Variants in NFIC observed in about 807,000 individuals in gnomAD.
The protein encoded by NFIC is nuclear factor I C.
A neutral mutation model predicts 54.4 loss-of-function variants in NFIC; 12 were observed. That is an observed-to-expected ratio of 0.22 (90% CI 0.14 to 0.36). The LOEUF (loss-of-function observed/expected upper bound fraction) is 0.36, where lower values mean the gene tolerates loss of function less well. Ranked by LOEUF, NFIC falls within the 10% of genes least tolerant of loss-of-function variation. NFIC has a pLI of 1.00. For synonymous variants in NFIC, 322 were observed against 319.2 expected, an observed-to-expected ratio of 1.01 and a Z score of -0.09; for missense variants, 575 against 718.2, an observed-to-expected ratio of 0.80 and a Z score of 2.28.
chr19:3,456,763 A>G, intron 10 of NFIC, 128 bp downstream of exon 10: 1 of 916,714 alleles, frequency 1.1e-6, no homozygotes, highest in Admixed American at 2.2e-5. Context: ...CCAGCCTCCC[A>G]CACCCCACCT....
intron 2 of NFIC, among the ~76,000 whole-genome samples, chr19:3,384,282 G>A (rs2081258478): frequency 6.6e-6 from 1 of 151,740 alleles, no homozygotes; most frequent in African/African-American, 2.4e-5. Flanking sequence ...GCCCAGGTTG[G>A]CCTCAAACTC....
At chr19:3,435,557 A>G (rs1490582332) in intron 6 of NFIC, among the ~76,000 whole-genome samples, 1 of 152,166 alleles carries the variant, frequency 6.6e-6, no homozygotes, top group Non-Finnish European at 1.5e-5. Flanking sequence ...GGGATCTGTC[A>G]TAGAATCCCT....
Position 3,462,834 on chromosome 19 carries a change from C to T in NFIC, c.*65C>T, listed in dbSNP as rs1182506915. On this transcript the variant is annotated 3_prime_UTR_variant, in exon 11 of 11. Coordinates refer to ENST00000443272, the MANE Select transcript of NFIC (RefSeq NM_001245002.2). Reference sequence around the variant, plus strand: ...GAATCCCAGGGGGCAGCACAGCCGGCCCCCGGCCCACGTTTTCGGTGGAAA... The same window carrying T: ...GAATCCCAGGGGGCAGCACAGCCGGTCCCCGGCCCACGTTTTCGGTGGAAA... 8.1e-6 allele frequency: 13 copies of T among 1,609,720 alleles called. No homozygotes were observed. The highest frequency in any genetic ancestry group is 1.3e-5 in the African/African-American group (1 of 74,722).
Position 3,464,173 on chromosome 19 carries a change from CTACCCCGACGCG to C in NFIC, c.*1405_*1416del. ...GGACCGCCGTTTGCACTTTCATCGC[CTACCCCGACGCG>C]GGGCCCAGCTGCGGGACGTGCATCA... is the stretch of plus-strand genomic sequence containing the variant. On this transcript the variant is annotated 3_prime_UTR_variant, in exon 11 of 11. Transcript: ENST00000443272. 3.0e-6 allele frequency: 3 copies of C among 985,432 alleles called. No individual in the cohort carries two copies. The highest frequency in any genetic ancestry group is 3.6e-6 in the Non-Finnish European group (3 of 829,940). 61.0% of individuals were successfully genotyped at this position (985,432 alleles called of 1,614,324 possible).
chr19:3,380,356 C>T lies in NFIC; in HGVS notation c.31-1356C>T, dbSNP rs376437051. ...TTTTGAGACAGTGTTTCACTCTTGGCACCCAGGCTCCCAGGCTGGAGTGCA... is the reference window on the plus strand; with the variant it reads ...TTTTGAGACAGTGTTTCACTCTTGGTACCCAGGCTCCCAGGCTGGAGTGCA... On this transcript the variant is annotated intron_variant, in intron 1 of 10. Coordinates refer to ENST00000443272, the MANE Select transcript of NFIC (RefSeq NM_001245002.2). Among the ~76,000 whole-genome samples the T allele has an allele frequency of 1.7e-3, 177 of 105,250 alleles. 7 individuals are homozygous for T. In the South Asian group the frequency reaches 0.057, roughly 34 times the overall value. 69.0% of individuals were successfully genotyped at this position (105,250 alleles called of 152,430 possible).
chr19:3,369,133 T>C lies in NFIC; in HGVS notation c.30+2467T>C, dbSNP rs2080951779. On this transcript the variant is annotated intron_variant, in intron 1 of 10. Transcript: ENST00000443272. This position sits in a 1 kb window ranked among gnomAD's most constrained non-coding sequence, Gnocchi z 4.3. ...CTCCTCTTTGTCTCTGCATGTCTCT[T>C]TGATGTGTCTCTGTCTCTCTGTCTC... Among the ~76,000 whole-genome samples the C allele has an allele frequency of 6.6e-6, 1 of 151,590 alleles. No individual in the cohort carries two copies. Among genetic ancestry groups the C allele is most frequent in the South Asian group, 2.1e-4 (1 of 4,774 alleles).
At chr19:3,443,991 C>T (rs980209015) in intron 6 of NFIC, among the ~76,000 whole-genome samples, 2 of 152,232 alleles carry the variant, frequency 1.3e-5, no homozygotes, top group Non-Finnish European at 2.9e-5. Flanking sequence ...CCCTAGAGAC[C>T]CAGCCAGAGT....
At chr19:3,437,661 C>T (rs548477454) in intron 6 of NFIC, among the ~76,000 whole-genome samples, 137 of 142,364 alleles carry the variant, frequency 9.6e-4, no homozygotes, top group African/African-American at 3.5e-3. Context: ...AAAAAAAAGT[C>T]ACTTCTGTTT....
intron 1 of NFIC, among the ~76,000 whole-genome samples, chr19:3,381,000 T>A (rs2081196595): frequency 6.6e-6 from 1 of 151,992 alleles, no homozygotes. Flanking sequence ...ACATCTTTGT[T>A]CTCCCAACCT....
intron 3 of NFIC, among the ~76,000 whole-genome samples, chr19:3,425,585 A>G (rs2082014825): frequency 6.6e-6 from 1 of 151,830 alleles, no homozygotes; most frequent in African/African-American, 2.4e-5. Flanking sequence ...TCAGTCTCCC[A>G]AGTAGCTGGG....
At chr19:3,451,126 A>G (rs2082456099) in intron 7 of NFIC, among the ~76,000 whole-genome samples, 1 of 152,228 alleles carries the variant, frequency 6.6e-6, no homozygotes, top group Non-Finnish European at 1.5e-5. Context: ...AATATGACTC[A>G]GCCATGAAAA....
Position 3,369,754 on chromosome 19 carries a change from TC to T in NFIC, c.30+3091del, listed in dbSNP as rs1366663611. ...CCTGCTCTGGGCCTCCCTCCCTGCC[TC>T]CCTCCCGCTGGCGCCACCGCCACGT... On this transcript the variant is annotated intron_variant, in intron 1 of 10. Transcript: ENST00000443272. This position sits in a 1 kb window ranked among gnomAD's most constrained non-coding sequence, Gnocchi z 4.3. Among the ~76,000 whole-genome samples, 4 of 151,708 alleles carry T rather than the reference TC, an allele frequency of 2.6e-5. No individual in the cohort carries two copies. The highest frequency in any genetic ancestry group is 9.7e-5 in the African/African-American group (4 of 41,348).
chr19:3,372,708 G>A (rs545489634), intron 1 of NFIC, among the ~76,000 whole-genome samples: 2 of 117,802 alleles, frequency 1.7e-5, no homozygotes, highest in South Asian at 2.7e-4. Flanking sequence ...GCCCAGGAGT[G>A]GGGTGGGGGG....
intron 6 of NFIC, among the ~76,000 whole-genome samples, chr19:3,442,684 G>T (rs1377830733): frequency 1.3e-5 from 2 of 149,256 alleles, no homozygotes; most frequent in Non-Finnish European, 3.0e-5. Context: ...ACCGAGCCCA[G>T]CCCGCCCATC....
Position 3,369,264 on chromosome 19 carries a change from G to T in NFIC, c.30+2598G>T, listed in dbSNP as rs1387229243. On this transcript the variant is annotated intron_variant, in intron 1 of 10. Coordinates refer to ENST00000443272, the MANE Select transcript of NFIC (RefSeq NM_001245002.2). This position sits in a 1 kb window ranked among gnomAD's most constrained non-coding sequence, Gnocchi z 4.3. ...CTCTGTCTCTGTTTCTCTCCAATATGTCTGTCTGTCTCTTCATCTCTGTCT... is the reference window on the plus strand; with the variant it reads ...CTCTGTCTCTGTTTCTCTCCAATATTTCTGTCTGTCTCTTCATCTCTGTCT... 6.7e-6 allele frequency among the ~76,000 whole-genome samples: 1 copy of T among 150,082 alleles called. No homozygotes were observed. The highest frequency in any genetic ancestry group is 1.5e-5 in the Non-Finnish European group (1 of 67,670).
chr19:3,434,438 C>A, intron 5 of NFIC, 38 bp downstream of exon 5: 1 of 1,556,428 alleles, frequency 6.4e-7, no homozygotes, highest in Non-Finnish European at 8.7e-7. Context: ...CATTTCATGA[C>A]CCCATTCATC....
intron 2 of NFIC, among the ~76,000 whole-genome samples, chr19:3,411,725 C>T (rs1286611957): frequency 6.6e-6 from 1 of 152,130 alleles, no homozygotes; most frequent in Non-Finnish European, 1.5e-5. Flanking sequence ...GTAAAGTCTG[C>T]TCACATCCGG....
intron 2 of NFIC, among the ~76,000 whole-genome samples, chr19:3,398,903 G>A (rs116183996): frequency 0.011 from 1,637 of 152,340 alleles, 25 homozygotes; most frequent in African/African-American, 0.038. Flanking sequence ...GGCGAGCTGC[G>A]GACTCCGCCC....
At position 3,452,435 on chromosome 19, in the gene NFIC, A is replaced by AC; in HGVS notation, c.1085-45dup. 1 of 1,601,268 alleles carries AC rather than the reference A, an allele frequency of 6.2e-7. No homozygotes were observed. The highest frequency in any genetic ancestry group is 8.5e-7 in the Non-Finnish European group (1 of 1,176,472). ...ACACAGTCACACGGTCACAGAGCAG[A>AC]CCGGCTGGAGCCCCCAAGTAACCCC... On this transcript the variant is annotated intron_variant, in intron 7 of 10. Coordinates refer to ENST00000443272, the MANE Select transcript of NFIC (RefSeq NM_001245002.2). The surrounding 1 kb of genome is among the most constrained non-coding windows in gnomAD (Gnocchi z 5.3).
Sources: allele counts gnomAD v4.1 joint callset (sites outside exome capture counted in the v4.1 genomes callset), GRCh38; gene constraint gnomAD v4.1.1; non-coding constraint Gnocchi (gnomAD v3.1); transcripts MANE v1.5; gene names NCBI Gene and HGNC (gene_info 2026-07-23, HGNC 2026-07-21).